The following ATG10 variants were observed in gnomAD, a reference collection of about 807,000 sequenced individuals.
ATG10 encodes the protein ubiquitin-like-conjugating enzyme ATG10.
In ATG10, 30 loss-of-function variants were observed where a neutral mutation model predicts 32.1. The ratio of observed to expected loss-of-function variants is 0.94; its 90% confidence interval spans 0.70 to 1.27. The LOEUF (loss-of-function observed/expected upper bound fraction) is 1.27. Ranked by LOEUF, ATG10 falls within the 50% of genes most tolerant of loss-of-function variation. ATG10 has a pLI of 0.00. For missense variants in ATG10, 233 were observed against 262.3 expected (o/e 0.89, Z 0.77); for synonymous variants, 87 against 91.5 (o/e 0.95, Z 0.28).
chr5:81,984,734 G>T (rs527585905), intron 1 of ATG10, among the ~76,000 whole-genome samples: 1 of 152,252 alleles, frequency 6.6e-6, no homozygotes, highest in South Asian at 2.1e-4. Context: ...TTATGAATTT[G>T]GTAGAGGACC....
intron 3 of ATG10, among the ~76,000 whole-genome samples, chr5:82,091,361 T>C (rs1045792268): frequency 6.6e-6 from 1 of 152,172 alleles, no homozygotes; most frequent in Non-Finnish European, 1.5e-5. Context: ...TGAGCCACCA[T>C]GCCTGACTTA....
chr5:82,187,250 A>G (rs1157388822), intron 5 of ATG10, among the ~76,000 whole-genome samples: 1 of 152,018 alleles, frequency 6.6e-6, no homozygotes, highest in Non-Finnish European at 1.5e-5. Flanking sequence ...TACACCTGTA[A>G]TTGTAATCCC....
intron 2 of ATG10, among the ~76,000 whole-genome samples, chr5:82,016,764 C>T (rs1762297133): frequency 6.6e-6 from 1 of 151,872 alleles, no homozygotes; most frequent in Admixed American, 6.6e-5. Context: ...TCTCAGCTCA[C>T]CGCAAGCTCT....
At chr5:81,982,919 A>G (rs1364642741) in intron 1 of ATG10, among the ~76,000 whole-genome samples, 1 of 152,244 alleles carries the variant, frequency 6.6e-6, no homozygotes. Flanking sequence ...TTTTCTTAGT[A>G]CAGAACAAAA....
chr5:82,036,340 T>C (rs912056170), intron 2 of ATG10, among the ~76,000 whole-genome samples: 5 of 152,236 alleles, frequency 3.3e-5, no homozygotes, highest in Admixed American at 3.3e-4. Context: ...ATGCATGTAA[T>C]CCTAGAACTT....
chr5:82,120,023 C>A (rs2149825684), intron 3 of ATG10, among the ~76,000 whole-genome samples: 1 of 149,794 alleles, frequency 6.7e-6, no homozygotes, highest in South Asian at 2.2e-4. Flanking sequence ...TGTGTGTACG[C>A]ACGCACATAC....
intron 3 of ATG10, among the ~76,000 whole-genome samples, chr5:82,163,763 C>T (rs1239814955): frequency 6.6e-6 from 1 of 152,104 alleles, no homozygotes; most frequent in Non-Finnish European, 1.5e-5. Flanking sequence ...TCTCTGCTTA[C>T]AAAACTCTGT....
intron 5 of ATG10, among the ~76,000 whole-genome samples, chr5:82,218,899 C>T (rs1006775340): frequency 3.3e-5 from 5 of 152,048 alleles, no homozygotes; most frequent in African/African-American, 9.7e-5. Flanking sequence ...TTTAGCTGCA[C>T]GAATCTTTTT....
At chr5:82,137,180 T>C (rs1766793676) in intron 3 of ATG10, among the ~76,000 whole-genome samples, 1 of 152,152 alleles carries the variant, frequency 6.6e-6, no homozygotes, top group Non-Finnish European at 1.5e-5. Context: ...TGGGGAAATT[T>C]GTTCTTACCC....
chr5:82,226,986 T>A (rs762402064), intron 5 of ATG10, among the ~76,000 whole-genome samples: 1 of 152,220 alleles, frequency 6.6e-6, no homozygotes, highest in Non-Finnish European at 1.5e-5. Flanking sequence ...CACAAAATCT[T>A]CTCTAATTTG....
intron 3 of ATG10, among the ~76,000 whole-genome samples, chr5:82,158,954 G>A (rs1484299627): frequency 6.6e-6 from 1 of 152,060 alleles, no homozygotes; most frequent in Non-Finnish European, 1.5e-5. Context: ...AGATAATACT[G>A]AGCCCTATAT....
chr5:82,052,525 G>A (rs574862332), intron 2 of ATG10, among the ~76,000 whole-genome samples: 1 of 152,116 alleles, frequency 6.6e-6, no homozygotes, highest in Non-Finnish European at 1.5e-5. Flanking sequence ...TGTGCAAAGG[G>A]CAATTAATTA....
chr5:82,246,640 A>T (rs185894331), intron 5 of ATG10, among the ~76,000 whole-genome samples: 322 of 152,126 alleles, frequency 2.1e-3, no homozygotes, highest in African/African-American at 7.4e-3. Flanking sequence ...TGTATGTTAC[A>T]TTTATGTTAT....
At chr5:82,250,056 G>A (rs947940490) in intron 5 of ATG10, among the ~76,000 whole-genome samples, 27 of 152,212 alleles carry the variant, frequency 1.8e-4, no homozygotes, top group African/African-American at 6.5e-4. Context: ...CAATAAGATT[G>A]GATTATACCT....
chr5:82,111,882 T>C (rs1268841267), intron 3 of ATG10, among the ~76,000 whole-genome samples: 1 of 151,944 alleles, frequency 6.6e-6, no homozygotes, highest in African/African-American at 2.4e-5. Context: ...GCGTGATAGA[T>C]GATGGATATT....
Position 82,175,887 on chromosome 5 carries a change from G to GCA in ATG10, c.356-2583_356-2582dup, listed in dbSNP as rs146858605. Among the ~76,000 whole-genome samples the GCA allele has an allele frequency of 8.3e-3, 1,078 of 129,502 alleles. 9 individuals are homozygous for GCA. Among genetic ancestry groups the GCA allele is most frequent in the Admixed American group, 0.013 (174 of 13,508 alleles). 85.0% of individuals were successfully genotyped at this position (129,502 alleles called of 152,430 possible). ...ATTGTTTATTTTCACACACACACAC[G>GCA]CACACACACACACACACACACCCCA... On this transcript the variant is annotated intron_variant, in intron 4 of 7. Coordinates refer to ENST00000282185, the MANE Select transcript of ATG10 (RefSeq NM_031482.5).
intron 3 of ATG10, among the ~76,000 whole-genome samples, chr5:82,155,767 A>G (rs1452531140): frequency 6.6e-6 from 1 of 152,210 alleles, no homozygotes; most frequent in Non-Finnish European, 1.5e-5. Flanking sequence ...CAAGGTAACA[A>G]GGAAGAATTT....
chr5:82,229,155 T>C (rs1247276813), intron 5 of ATG10, among the ~76,000 whole-genome samples: 1 of 152,166 alleles, frequency 6.6e-6, no homozygotes, highest in African/African-American at 2.4e-5. Context: ...ACGAGCTATT[T>C]CTGAGTGGAC....
At chr5:82,039,513 T>A (rs1162834793) in intron 2 of ATG10, among the ~76,000 whole-genome samples, 1 of 152,142 alleles carries the variant, frequency 6.6e-6, no homozygotes, top group Admixed American at 6.5e-5. Context: ...AACTTTGAAA[T>A]GAAATGGTAA....
Sources: gnomAD v4.1 joint callset for allele counts (sites outside exome capture counted in the v4.1 genomes callset) on GRCh38, gnomAD v4.1.1 for gene constraint, MANE v1.5 for transcripts, NCBI Gene and HGNC (gene_info 2026-07-23, HGNC 2026-07-21) for gene names.